The following FRRS1 variants were observed in gnomAD, a reference collection of about 807,000 sequenced individuals.
The protein encoded by FRRS1 is ferric chelate reductase 1, also known as ferric reductase 1.
A neutral mutation model predicts 70.7 loss-of-function variants in FRRS1; 51 were observed. The ratio of observed to expected loss-of-function variants is 0.72; its 90% confidence interval spans 0.58 to 0.91. FRRS1 has a LOEUF of 0.91. FRRS1 is among the 40% of genes least tolerant of loss of function. FRRS1 has a pLI of 0.00. For missense variants in FRRS1, 672 were observed against 726.0 expected, an observed-to-expected ratio of 0.93 and a Z score of 0.86; for synonymous variants, 225 against 238.7, an observed-to-expected ratio of 0.94 and a Z score of 0.53.
intron 9 of FRRS1, among the ~76,000 whole-genome samples, chr1:99,721,368 T>C (rs1035750844): frequency 4.2e-5 from 6 of 141,734 alleles, no homozygotes; most frequent in South Asian, 2.2e-4. Context: ...GACTGCGAGA[T>C]AGAGCAAGAC....
Position 99,706,321 on chromosome 1 carries a change from A to T in FRRS1, c.*2707T>A, listed in dbSNP as rs1242486158. On this transcript the variant is annotated 3_prime_UTR_variant, in exon 17 of 17. Coordinates refer to ENST00000646001, the MANE Select transcript of FRRS1 (RefSeq NM_001361041.2). Reference sequence around the variant, plus strand: ...CTACTCTGGAGGCTGCAGTGGGAGGATCACTAAAGCCCAAGAGGTCAAGGC... The same window carrying T: ...CTACTCTGGAGGCTGCAGTGGGAGGTTCACTAAAGCCCAAGAGGTCAAGGC... 6.6e-6 allele frequency among the ~76,000 whole-genome samples: 1 copy of T among 151,074 alleles called. No individual in the cohort carries two copies. Among genetic ancestry groups the T allele is most frequent in the Non-Finnish European group, 1.5e-5 (1 of 67,832 alleles).
intron 9 of FRRS1, among the ~76,000 whole-genome samples, chr1:99,727,973 G>A (rs1448649242): frequency 6.6e-6 from 1 of 152,194 alleles, no homozygotes; most frequent in Non-Finnish European, 1.5e-5. Flanking sequence ...GCAGTGTGAG[G>A]CATTCTCCCC....
Position 99,706,751 on chromosome 1 carries a change from G to A in FRRS1, c.*2277C>T, listed in dbSNP as rs1036960160. ...TCTACTAAAAATATAAAAATTAGCC[G>A]AGACTGGTGGTGCACACCTGTAGTC... On this transcript the variant is annotated 3_prime_UTR_variant, in exon 17 of 17. Transcript: ENST00000646001. Among the ~76,000 whole-genome samples, 4 of 152,068 alleles carry A rather than the reference G, an allele frequency of 2.6e-5. No individual in the cohort carries two copies. Among genetic ancestry groups the A allele is most frequent in the East Asian group, 1.9e-4 (1 of 5,168 alleles).
intron 8 of FRRS1, 61 bp from the exon 9 acceptor site, chr1:99,728,701 T>G (rs1237061864): frequency 6.8e-7 from 1 of 1,478,940 alleles, no homozygotes; most frequent in Non-Finnish European, 9.4e-7. Context: ...AAATAAGATA[T>G]GATCAAAATC....
At chr1:99,762,749 G>C (rs574334769) in intron 1 of FRRS1, among the ~76,000 whole-genome samples, 2 of 152,188 alleles carry the variant, frequency 1.3e-5, no homozygotes, top group Non-Finnish European at 2.9e-5. Flanking sequence ...TCATCAGCAG[G>C]ATTTCAAACC....
chr1:99,753,279 G>C (rs1248314190), intron 1 of FRRS1, among the ~76,000 whole-genome samples: 2 of 151,286 alleles, frequency 1.3e-5, no homozygotes, highest in Non-Finnish European at 2.9e-5. Context: ...CCAGCACTTT[G>C]GGAGGGAAGG....
At chr1:99,731,214 G>T (rs141741557) in intron 7 of FRRS1, among the ~76,000 whole-genome samples, 1 of 152,158 alleles carries the variant, frequency 6.6e-6, no homozygotes, top group African/African-American at 2.4e-5. Context: ...CCATGGTTTG[G>T]TCTTTCACTT....
At position 99,708,758 on chromosome 1, in the gene FRRS1, A is replaced by G; in HGVS notation, c.*270T>C. 1 of 554,966 alleles carries G rather than the reference A, an allele frequency of 1.8e-6. No individual in the cohort carries two copies. Among genetic ancestry groups the G allele is most frequent in the East Asian group, 2.9e-5 (1 of 34,574 alleles). The allele number at this position is 554,966 out of a possible 1,614,324, so 34.4% of individuals were successfully genotyped here. A position where few individuals can be genotyped will look rare whatever the true frequency, so the allele number is the denominator to read the frequency against. Reference sequence around the variant, plus strand: ...ATACCAACATTCTTAAAATCTTGGCATGAAATATTTGAGAGTTACTTCTCC... The same window carrying G: ...ATACCAACATTCTTAAAATCTTGGCGTGAAATATTTGAGAGTTACTTCTCC... On this transcript the variant is annotated 3_prime_UTR_variant, in exon 17 of 17. Coordinates refer to ENST00000646001, the MANE Select transcript of FRRS1 (RefSeq NM_001361041.2).
At chr1:99,738,796 A>G (rs957357137) in intron 6 of FRRS1, among the ~76,000 whole-genome samples, 1 of 152,218 alleles carries the variant, frequency 6.6e-6, no homozygotes, top group Non-Finnish European at 1.5e-5. Flanking sequence ...CTAAAATGAC[A>G]TAAGAAAAAA....
intron 1 of FRRS1, among the ~76,000 whole-genome samples, chr1:99,754,507 AAG>A (rs60311161): frequency 0.46 from 67,982 of 149,344 alleles, 17,505 homozygotes; most frequent in African/African-American, 0.72. Context: ...GAGAGAGAGA[AAG>A]AGAGAGAGAG....
intron 1 of FRRS1, among the ~76,000 whole-genome samples, chr1:99,753,646 C>G (rs181244960): frequency 2.5e-3 from 379 of 152,100 alleles, no homozygotes; most frequent in Non-Finnish European, 4.4e-3. Context: ...CGGGTGGGCA[C>G]CTGTAGTTCC....
chr1:99,755,238 G>C (rs1656772818), intron 1 of FRRS1, among the ~76,000 whole-genome samples: 1 of 148,634 alleles, frequency 6.7e-6, no homozygotes, highest in Non-Finnish European at 1.5e-5. Context: ...TGGGCAACAA[G>C]TGAGACCCTG....
intron 9 of FRRS1, among the ~76,000 whole-genome samples, chr1:99,722,395 A>C (rs900434079): frequency 6.6e-6 from 1 of 152,180 alleles, no homozygotes; most frequent in African/African-American, 2.4e-5. Flanking sequence ...GCATGTGTAC[A>C]TTCACACAAG....
chr1:99,753,285 G>C (rs540361895), intron 1 of FRRS1, among the ~76,000 whole-genome samples: 1 of 148,298 alleles, frequency 6.7e-6, no homozygotes, highest in South Asian at 2.2e-4. Context: ...CTTTGGGAGG[G>C]AAGGGCAGGA....
intron 7 of FRRS1, 61 bp downstream of exon 7, chr1:99,738,025 G>C: frequency 7.3e-7 from 1 of 1,364,832 alleles, no homozygotes; most frequent in Non-Finnish European, 1.0e-6. Context: ...ACAGGCATGA[G>C]CCACCATGCC....
chr1:99,761,136 G>T (rs972113591), intron 1 of FRRS1, among the ~76,000 whole-genome samples: 16 of 151,740 alleles, frequency 1.1e-4, no homozygotes, highest in African/African-American at 3.4e-4. Flanking sequence ...GTTTTGGGGG[G>T]GTGGGGGAAG....
At chr1:99,741,414 G>A (rs1246115599) in intron 5 of FRRS1, among the ~76,000 whole-genome samples, 1 of 152,208 alleles carries the variant, frequency 6.6e-6, no homozygotes, top group Non-Finnish European at 1.5e-5. Flanking sequence ...CCAGTGCAGA[G>A]TTGTGTTACT....
At chr1:99,764,968 T>C (rs751959667) in intron 1 of FRRS1, among the ~76,000 whole-genome samples, 6 of 152,244 alleles carry the variant, frequency 3.9e-5, no homozygotes, top group Non-Finnish European at 8.8e-5. Flanking sequence ...GTGACTTGTC[T>C]TTTGGTAAAC....
intron 4 of FRRS1, among the ~76,000 whole-genome samples, chr1:99,742,710 T>A (rs1656034256): frequency 6.6e-6 from 1 of 152,248 alleles, no homozygotes; most frequent in Non-Finnish European, 1.5e-5. Flanking sequence ...CCCACTTTCA[T>A]GCACCTGGCC....
Sources: allele counts gnomAD v4.1 joint callset (sites outside exome capture counted in the v4.1 genomes callset), GRCh38; gene constraint gnomAD v4.1.1; transcripts MANE v1.5; gene names NCBI Gene and HGNC (gene_info 2026-07-23, HGNC 2026-07-21).